OPCML: variants seen among roughly 807,000 people sequenced by gnomAD.
OPCML encodes the protein opioid-binding protein/cell adhesion molecule.
In OPCML, 13 loss-of-function variants were observed where a neutral mutation model predicts 37.8. That is an observed-to-expected ratio of 0.34 (90% CI 0.22 to 0.55). OPCML has a LOEUF of 0.55. Ranked by LOEUF, OPCML falls within the 20% of genes least tolerant of loss-of-function variation. The pLI, the probability that OPCML is intolerant of heterozygous loss-of-function variation, is 0.91. For synonymous variants in OPCML, 176 were observed against 168.8 expected (o/e 1.04, Z -0.33); for missense variants, 341 against 435.6 (o/e 0.78, Z 1.93).
chr11:132,831,454 T>A (rs12805243), intron 2 of OPCML, among the ~76,000 whole-genome samples: 10,764 of 152,246 alleles, frequency 0.071, 434 homozygotes, highest in Non-Finnish European at 0.082. Context: ...ATTTTCAGCC[T>A]CATTAATGCA....
Position 132,897,609 on chromosome 11 carries a change from G to T in OPCML, c.146+45317C>A, listed in dbSNP as rs574585564. Reference sequence around the variant, plus strand: ...TCGGGCTTTGTGGACAAATGGTTCTGTATGATACAGAGGCACCAGCTAAAA... The same window carrying T: ...TCGGGCTTTGTGGACAAATGGTTCTTTATGATACAGAGGCACCAGCTAAAA... On this transcript the variant is annotated intron_variant, in intron 2 of 7. Transcript: ENST00000524381. Among the ~76,000 whole-genome samples, 69 of 152,316 alleles carry T rather than the reference G, an allele frequency of 4.5e-4. 1 individual carries two copies. The highest frequency in any genetic ancestry group is 1.6e-3 in the African/African-American group (67 of 41,566).
intron 1 of OPCML, among the ~76,000 whole-genome samples, chr11:133,455,245 A>T (rs570361000): frequency 1.3e-5 from 2 of 152,358 alleles, no homozygotes; most frequent in East Asian, 1.9e-4. Context: ...ACTACCCTGG[A>T]CATGCAATTA....
intron 1 of OPCML, among the ~76,000 whole-genome samples, chr11:133,375,370 G>A (rs1201240170): frequency 2.6e-5 from 4 of 152,204 alleles, no homozygotes; most frequent in Non-Finnish European, 5.9e-5. Flanking sequence ...TGCAGACCAC[G>A]TGCCACAAAT....
chr11:132,976,528 G>A (rs180810065), intron 1 of OPCML, among the ~76,000 whole-genome samples: 174 of 152,238 alleles, frequency 1.1e-3, no homozygotes, highest in Non-Finnish European at 1.9e-3. Context: ...ATGTATAGCC[G>A]CAACCAGTTC....
chr11:133,369,513 C>T (rs74818656), intron 1 of OPCML, among the ~76,000 whole-genome samples: 2,334 of 152,262 alleles, frequency 0.015, 56 homozygotes, highest in African/African-American at 0.052. Context: ...CTAATCAAAA[C>T]GCAGAGCCAG....
intron 1 of OPCML, among the ~76,000 whole-genome samples, chr11:133,128,395 G>A (rs1949551469): frequency 6.6e-6 from 1 of 152,118 alleles, no homozygotes; most frequent in Non-Finnish European, 1.5e-5. Flanking sequence ...TAAAAAGTAG[G>A]AGGGATGAAA....
intron 1 of OPCML, among the ~76,000 whole-genome samples, chr11:133,442,703 T>A (rs906858229): frequency 6.7e-6 from 1 of 149,346 alleles, no homozygotes; most frequent in Non-Finnish European, 1.5e-5. Context: ...TGAAAAACGA[T>A]TGCAAAAGCA....
At chr11:133,265,891 C>G (rs542979353) in intron 1 of OPCML, among the ~76,000 whole-genome samples, 1 of 152,346 alleles carries the variant, frequency 6.6e-6, no homozygotes, top group South Asian at 2.1e-4. Flanking sequence ...TGGCACATCT[C>G]TCAGCCAATC....
intron 4 of OPCML, among the ~76,000 whole-genome samples, chr11:132,505,573 G>T (rs1169233735): frequency 6.6e-6 from 1 of 152,124 alleles, no homozygotes; most frequent in East Asian, 1.9e-4. Context: ...TTGTTGAGAT[G>T]AACGAAAACG....
chr11:133,001,476 C>G (rs1947002873), intron 1 of OPCML, among the ~76,000 whole-genome samples: 1 of 152,210 alleles, frequency 6.6e-6, no homozygotes, highest in Admixed American at 6.5e-5. Context: ...TAGCATTAGT[C>G]TTTCCCTAGC....
chr11:132,940,033 G>A (rs1477668971), intron 2 of OPCML, among the ~76,000 whole-genome samples: 1 of 152,196 alleles, frequency 6.6e-6, no homozygotes, highest in East Asian at 1.9e-4. Flanking sequence ...ACCCTATGAA[G>A]TAGTTATGAG....
intron 4 of OPCML, among the ~76,000 whole-genome samples, chr11:132,498,641 A>C (rs1349078267): frequency 1.3e-5 from 2 of 152,202 alleles, no homozygotes; most frequent in Non-Finnish European, 2.9e-5. Context: ...ATTCCTCTGT[A>C]GTGGAAGTTT....
chr11:132,432,400 C>A (rs2096000104), intron 7 of OPCML, among the ~76,000 whole-genome samples: 1 of 152,174 alleles, frequency 6.6e-6, no homozygotes, highest in Non-Finnish European at 1.5e-5. Flanking sequence ...ACTATTGCCA[C>A]ACAGTCATAG....
chr11:133,004,376 T>C, intron 1 of OPCML: 3 of 985,474 alleles, frequency 3.0e-6, no homozygotes, highest in Non-Finnish European at 3.6e-6. Flanking sequence ...GGTTCTGCTC[T>C]CTCTTCAGAG....
intron 1 of OPCML, among the ~76,000 whole-genome samples, chr11:133,469,564 C>G (rs775164277): frequency 6.6e-6 from 1 of 152,200 alleles, no homozygotes; most frequent in African/African-American, 2.4e-5. Context: ...CATATGTTAT[C>G]ACCTGTTTGT....
At chr11:132,903,670 TA>T (rs201442395) in intron 2 of OPCML, among the ~76,000 whole-genome samples, 2,097 of 151,840 alleles carry the variant, frequency 0.014, 56 homozygotes, top group African/African-American at 0.048. Flanking sequence ...AATACACAAA[TA>T]AAAAAATAAG....
intron 1 of OPCML, among the ~76,000 whole-genome samples, chr11:133,324,999 A>G (rs1943415002): frequency 6.6e-6 from 1 of 152,182 alleles, no homozygotes; most frequent in South Asian, 2.1e-4. Context: ...GACTGCATCT[A>G]TGATGAGGAT....
intron 4 of OPCML, among the ~76,000 whole-genome samples, chr11:132,506,364 T>G (rs1224703877): frequency 1.3e-5 from 2 of 152,134 alleles, no homozygotes; most frequent in Admixed American, 1.3e-4. Flanking sequence ...ACACATCTTT[T>G]TAGTAAAACG....
chr11:132,724,271 G>T (rs76164780), intron 2 of OPCML, among the ~76,000 whole-genome samples: 1 of 152,078 alleles, frequency 6.6e-6, no homozygotes, highest in African/African-American at 2.4e-5. Context: ...GATCAAGTTC[G>T]TTCAGAATTG....
Sources: gnomAD v4.1 joint callset for allele counts (sites outside exome capture counted in the v4.1 genomes callset) on GRCh38, gnomAD v4.1.1 for gene constraint, MANE v1.5 for transcripts, NCBI Gene and HGNC (gene_info 2026-07-23, HGNC 2026-07-21) for gene names.